The following TYR variants were observed in gnomAD, a reference collection of about 807,000 sequenced individuals.
TYR encodes the protein LB24-AB.
A neutral mutation model predicts 51.5 loss-of-function variants in TYR; 58 were observed. The observed-to-expected ratio is 1.13, with a 90% CI of 0.91 to 1.40. The LOEUF (loss-of-function observed/expected upper bound fraction) is 1.40, where lower values mean the gene tolerates loss of function less well. Ranked by LOEUF, TYR falls within the 40% of genes most tolerant of loss-of-function variation. The pLI is 0.00. For missense variants in TYR, 732 were observed against 647.4 expected, an observed-to-expected ratio of 1.13 and a Z score of -1.42; for synonymous variants, 263 against 235.2, an observed-to-expected ratio of 1.12 and a Z score of -1.08.
intron 2 of TYR, among the ~76,000 whole-genome samples, chr11:89,192,661 T>A (rs773824653): frequency 2.6e-5 from 4 of 152,156 alleles, no homozygotes; most frequent in African/African-American, 9.6e-5. Flanking sequence ...ATCCTAAAGA[T>A]GAATTCTGTT....
intron 3 of TYR, among the ~76,000 whole-genome samples, chr11:89,241,129 A>C (rs1944187865): frequency 6.6e-6 from 1 of 152,224 alleles, no homozygotes; most frequent in Non-Finnish European, 1.5e-5. Flanking sequence ...AGCAAAGCTG[A>C]TGGTGTCTGT....
intron 3 of TYR, among the ~76,000 whole-genome samples, chr11:89,271,691 A>C (rs750758858): frequency 8.6e-5 from 13 of 151,872 alleles, no homozygotes; most frequent in Non-Finnish European, 1.8e-4. Context: ...AAATATATTC[A>C]TGTAGCATGT....
intron 3 of TYR, among the ~76,000 whole-genome samples, chr11:89,279,468 T>C (rs187350457): frequency 6.6e-6 from 1 of 151,792 alleles, no homozygotes; most frequent in East Asian, 1.9e-4. Flanking sequence ...GTCTATTACA[T>C]TAGATCATAC....
chr11:89,279,709 G>T (rs927665765), intron 3 of TYR, among the ~76,000 whole-genome samples: 2 of 151,610 alleles, frequency 1.3e-5, no homozygotes, highest in South Asian at 2.1e-4. Flanking sequence ...CCCAAAAAGG[G>T]CTATGCTATT....
intron 4 of TYR, among the ~76,000 whole-genome samples, chr11:89,287,069 G>A (rs536490696): frequency 6.6e-6 from 1 of 151,788 alleles, no homozygotes; most frequent in Non-Finnish European, 1.5e-5. Context: ...TACTTATAGT[G>A]ATGTTTACTC....
chr11:89,195,152 A>G (rs1245841064), intron 2 of TYR, among the ~76,000 whole-genome samples: 1 of 152,168 alleles, frequency 6.6e-6, no homozygotes, highest in African/African-American at 2.4e-5. Flanking sequence ...CAATAAATGC[A>G]TATGAAATGG....
At chr11:89,272,634 A>C (rs879349545) in intron 3 of TYR, among the ~76,000 whole-genome samples, 19 of 152,050 alleles carry the variant, frequency 1.2e-4, no homozygotes, top group Non-Finnish European at 1.9e-4. Flanking sequence ...CATCCTTTGA[A>C]GCTTTAAAGC....
intron 1 of TYR, among the ~76,000 whole-genome samples, chr11:89,183,987 C>A (rs569235242): frequency 6.6e-6 from 1 of 152,142 alleles, no homozygotes; most frequent in Non-Finnish European, 1.5e-5. Context: ...ACCCAGAGAG[C>A]TTAAGTAACT....
Position 89,284,908 on chromosome 11 carries a change from T to C in TYR, c.1320T>C (p.Ile440=). The C allele has an allele frequency of 6.2e-7, 1 of 1,611,776 alleles. No homozygotes were observed. ...TGTACAGAAATGGTGATTTCTTTAT[T>C]TCATCCAAAGATCTGGGCTATGACT... is the stretch of plus-strand genomic sequence containing the variant. ...IPLYRNGDFF[I]SSKDLGYDYS... is the part of the protein sequence containing the mutation. The change falls in exon 4 of 5, where the codon ATT becomes ATC. Residue 440 remains isoleucine (I), a synonymous_variant. Coordinates refer to ENST00000263321, the MANE Select transcript of TYR (RefSeq NM_000372.5).
At chr11:89,260,335 T>C (rs1944442325) in intron 3 of TYR, among the ~76,000 whole-genome samples, 1 of 151,524 alleles carries the variant, frequency 6.6e-6, no homozygotes, top group Non-Finnish European at 1.5e-5. Context: ...GTAACAGAAG[T>C]GCTAGAAGGA....
At chr11:89,235,773 T>G (rs1385346906) in intron 3 of TYR, among the ~76,000 whole-genome samples, 1 of 152,134 alleles carries the variant, frequency 6.6e-6, no homozygotes, top group African/African-American at 2.4e-5. Context: ...CTGCACAGCA[T>G]GATGATTATA....
intron 2 of TYR, among the ~76,000 whole-genome samples, chr11:89,207,905 T>C (rs1341850572): frequency 6.6e-6 from 1 of 152,194 alleles, no homozygotes; most frequent in Non-Finnish European, 1.5e-5. Flanking sequence ...GGAAATTGAA[T>C]AAGGAGCACA....
chr11:89,183,080 C>T (rs530392826), intron 1 of TYR, among the ~76,000 whole-genome samples: 147 of 152,094 alleles, frequency 9.7e-4, no homozygotes, highest in African/African-American at 3.2e-3. Flanking sequence ...GAATGTCATA[C>T]GGTTTACATT....
intron 3 of TYR, among the ~76,000 whole-genome samples, chr11:89,253,928 T>C (rs1272758735): frequency 6.6e-6 from 1 of 151,884 alleles, no homozygotes; most frequent in Non-Finnish European, 1.5e-5. Flanking sequence ...TGCTTTTTTC[T>C]TTTCTCTTTC....
intron 1 of TYR, among the ~76,000 whole-genome samples, chr11:89,184,181 C>T (rs1172512115): frequency 6.6e-6 from 1 of 151,288 alleles, no homozygotes; most frequent in East Asian, 1.9e-4. Flanking sequence ...AGATTTTCTC[C>T]TCGTTAGTAA....
Position 89,191,412 on chromosome 11 carries a change from C to T in TYR, c.1030C>T (p.Leu344=). The change falls in exon 2 of 5, where the codon CTG becomes TTG. Residue 344 remains leucine (L), a synonymous_variant. Coordinates refer to ENST00000263321, the MANE Select transcript of TYR (RefSeq NM_000372.5). ...TGCCAATTTCAGCTTTAGAAATACA[C>T]TGGAAGGTAATCTCTTTCTTTTCAC... ...KAANFSFRNT[L]EGFASPLTGI... 6.2e-7 allele frequency: 1 copy of T among 1,613,018 alleles called. No individual in the cohort carries two copies. The highest frequency in any genetic ancestry group is 8.5e-7 in the Non-Finnish European group (1 of 1,179,136).
rs71469245 is a variant in TYR at position 89,268,113 on chromosome 11, C to T, written c.1185-16660C>T. On this transcript the variant is annotated intron_variant, in intron 3 of 4. Coordinates refer to ENST00000263321, the MANE Select transcript of TYR (RefSeq NM_000372.5). ...TGTAACCTTAGGCAAGTTTTATATC[C>T]CTTTTGTCCTCCAGTTTTCTCATCT... Among the ~76,000 whole-genome samples, 989 of 151,930 alleles carry T rather than the reference C, an allele frequency of 6.5e-3. 6 individuals are homozygous for T. Among genetic ancestry groups the T allele is most frequent in the Middle Eastern group, 0.031 (9 of 294 alleles).
At chr11:89,228,205 G>A (rs778797436) in intron 3 of TYR, among the ~76,000 whole-genome samples, 2 of 152,114 alleles carry the variant, frequency 1.3e-5, no homozygotes, top group Non-Finnish European at 2.9e-5. Flanking sequence ...ACAAAAGAAA[G>A]AAAAGTAAAA....
chr11:89,271,785 T>C (rs1048666245), intron 3 of TYR, among the ~76,000 whole-genome samples: 83 of 151,938 alleles, frequency 5.5e-4, no homozygotes, highest in African/African-American at 1.8e-3. Context: ...GGTACTTTAT[T>C]AGATAAGTTT....
Sources: gnomAD v4.1 joint callset for allele counts (sites outside exome capture counted in the v4.1 genomes callset) on GRCh38, gnomAD v4.1.1 for gene constraint, MANE v1.5 for transcripts, NCBI Gene and HGNC (gene_info 2026-07-23, HGNC 2026-07-21) for gene names.